The following KIF6 variants were observed in gnomAD, a reference collection of about 807,000 sequenced individuals.
KIF6 encodes the protein kinesin-like protein KIF6.
Under a neutral mutation model 112.7 loss-of-function variants are expected in KIF6, and 106 were observed. That is an observed-to-expected ratio of 0.94 (90% confidence interval 0.80 to 1.11). KIF6 has a LOEUF of 1.11. Ranked by LOEUF, KIF6 falls within the 50% of genes least tolerant of loss-of-function variation. KIF6 has a pLI of 0.00. For missense variants in KIF6, 929 were observed against 964.0 expected (o/e 0.96, Z 0.48); for synonymous variants, 339 against 339.9 (o/e 1.00, Z 0.03).
chr6:39,616,132 T>C (rs965190012), intron 5 of KIF6, among the ~76,000 whole-genome samples: 24 of 152,240 alleles, frequency 1.6e-4, no homozygotes, highest in African/African-American at 5.8e-4. Context: ...TGATTTGCGA[T>C]TATATTTATA....
chr6:39,594,643 G>A (rs1293784637), intron 7 of KIF6, among the ~76,000 whole-genome samples: 1 of 152,084 alleles, frequency 6.6e-6, no homozygotes, highest in Non-Finnish European at 1.5e-5. Flanking sequence ...CTCCATCTGC[G>A]TTTTTAGCCA....
At chr6:39,533,507 G>A (rs1778208499) in intron 13 of KIF6, among the ~76,000 whole-genome samples, 1 of 152,244 alleles carries the variant, frequency 6.6e-6, no homozygotes, top group African/African-American at 2.4e-5. Context: ...AAAGCAGCCG[G>A]GAAGCTTGAA....
chr6:39,536,708 C>T (rs1778449267), intron 13 of KIF6, among the ~76,000 whole-genome samples: 1 of 151,156 alleles, frequency 6.6e-6, no homozygotes, highest in Non-Finnish European at 1.5e-5. Flanking sequence ...CTCCCTAACT[C>T]ATTTTATGAG....
At chr6:39,394,841 G>A (rs1581756446) in intron 15 of KIF6, among the ~76,000 whole-genome samples, 1 of 152,236 alleles carries the variant, frequency 6.6e-6, no homozygotes, top group Non-Finnish European at 1.5e-5. Flanking sequence ...GGGGAAAGCA[G>A]CTCCTTATAA....
In KIF6 at chr6:39,639,616, T is replaced by C; in HGVS notation, c.393A>G (p.Leu131=). Residue 131 remains leucine (L), a synonymous_variant, in exon 4 of 23, where the codon TTA becomes TTG. Transcript: ENST00000287152. ...TGAACGAAAAGTTTCATACCTTTTG[T>C]AACTGTTCAAAAATGTATGACAGTG... ...PRTLSYIFEQ[L]QKDSSKIYTT... The C allele has an allele frequency of 2.5e-6, 4 of 1,580,546 alleles. No homozygotes were observed. The highest frequency in any genetic ancestry group is 2.3e-5 in the East Asian group (1 of 44,098).
chr6:39,649,721 T>TAAAG (rs78847578), intron 3 of KIF6, among the ~76,000 whole-genome samples: 1,176 of 59,372 alleles, frequency 0.02, 6 homozygotes, highest in South Asian at 0.071. Flanking sequence ...ACACTCTGAT[T>TAAAG]AAAGAAAGAA....
At chr6:39,440,281 T>G (rs1771836112) in intron 13 of KIF6, among the ~76,000 whole-genome samples, 1 of 152,112 alleles carries the variant, frequency 6.6e-6, no homozygotes, top group Admixed American at 6.5e-5. Flanking sequence ...GAAGGATGAT[T>G]ATACTCTGTG....
At chr6:39,348,396 C>T (rs751495773) in intron 19 of KIF6, among the ~76,000 whole-genome samples, 5 of 152,098 alleles carry the variant, frequency 3.3e-5, no homozygotes, top group Non-Finnish European at 7.4e-5. Flanking sequence ...GGAGGCCCAG[C>T]TGCCCCACCT....
intron 6 of KIF6, among the ~76,000 whole-genome samples, chr6:39,610,599 T>A (rs1207108706): frequency 1.3e-5 from 2 of 152,240 alleles, no homozygotes; most frequent in Non-Finnish European, 2.9e-5. Flanking sequence ...AACATGCTTT[T>A]TTAGAAGACT....
rs148896976 is a variant in KIF6, at chr6:39,662,928, G to C, written c.252-23171C>G. Among the ~76,000 whole-genome samples, 1,143 of 149,298 alleles carry C rather than the reference G, an allele frequency of 7.7e-3. 11 individuals carry two copies. Among genetic ancestry groups the C allele is most frequent in the African/African-American group, 0.026 (1,064 of 40,584 alleles). ...CTCTCTCTCTTTTTTTTTTTTATAG[G>C]GTCTTGCCCAGGCTGGAGTGCAGTG... On this transcript the variant is annotated intron_variant, in intron 3 of 22. Transcript: ENST00000287152.
chr6:39,661,578 G>A (rs1450612619), intron 3 of KIF6, among the ~76,000 whole-genome samples: 1 of 151,934 alleles, frequency 6.6e-6, no homozygotes, highest in Non-Finnish European at 1.5e-5. Context: ...TTCTACCTAT[G>A]GTAGTAAAAC....
intron 12 of KIF6, among the ~76,000 whole-genome samples, chr6:39,544,271 T>A (rs895288766): frequency 2.0e-5 from 3 of 152,176 alleles, no homozygotes; most frequent in Non-Finnish European, 4.4e-5. Context: ...AAAAAATTAA[T>A]GTTAAAAGAT....
chr6:39,700,046 A>G (rs1220334075), intron 3 of KIF6, among the ~76,000 whole-genome samples: 1 of 152,210 alleles, frequency 6.6e-6, no homozygotes, highest in East Asian at 1.9e-4. Flanking sequence ...AGGTGTAAAT[A>G]TTTAAGGCGA....
At chr6:39,425,570 C>T (rs1027884413) in intron 14 of KIF6, among the ~76,000 whole-genome samples, 3 of 152,118 alleles carry the variant, frequency 2.0e-5, no homozygotes, top group South Asian at 2.1e-4. Flanking sequence ...TCCTACTTCT[C>T]GGAAGCTGTA....
At chr6:39,594,342 C>A (rs568891341) in intron 7 of KIF6, among the ~76,000 whole-genome samples, 2 of 152,214 alleles carry the variant, frequency 1.3e-5, no homozygotes, top group South Asian at 2.1e-4. Context: ...GACAGTGCTA[C>A]CATCCAAAAC....
At chr6:39,669,635 C>T (rs1352838794) in intron 3 of KIF6, among the ~76,000 whole-genome samples, 1 of 152,202 alleles carries the variant, frequency 6.6e-6, no homozygotes, top group Non-Finnish European at 1.5e-5. Context: ...TGACTTCTGT[C>T]ACAAAGGTAC....
At chr6:39,694,921 C>T (rs771152066) in intron 3 of KIF6, among the ~76,000 whole-genome samples, 5 of 152,104 alleles carry the variant, frequency 3.3e-5, no homozygotes, top group Admixed American at 6.6e-5. Flanking sequence ...TCAAATTATA[C>T]TACAAGGCTA....
intron 13 of KIF6, among the ~76,000 whole-genome samples, chr6:39,474,859 T>C (rs975038291): frequency 9.2e-5 from 14 of 152,392 alleles, no homozygotes; most frequent in Non-Finnish European, 1.8e-4. Context: ...CTACTGCCTG[T>C]GGCATAATCA....
intron 13 of KIF6, among the ~76,000 whole-genome samples, chr6:39,501,271 A>AAACC (rs1554227720): frequency 6.6e-6 from 1 of 151,994 alleles, no homozygotes; most frequent in Non-Finnish European, 1.5e-5. Context: ...TGTTAAAAGA[A>AAACC]AAACAAACAA....
Sources: gnomAD v4.1 joint callset for allele counts (sites outside exome capture counted in the v4.1 genomes callset) on GRCh38, gnomAD v4.1.1 for gene constraint, MANE v1.5 for transcripts, NCBI Gene and HGNC (gene_info 2026-07-23, HGNC 2026-07-21) for gene names.